The following RSPO2 variants were observed in gnomAD, a reference collection of about 807,000 sequenced individuals.
RSPO2 encodes the protein R-spondin-2.
A neutral mutation model predicts 30.9 loss-of-function variants in RSPO2; 14 were observed. The ratio of observed to expected loss-of-function variants is 0.45; its 90% CI spans 0.30 to 0.71. The LOEUF (loss-of-function observed/expected upper bound fraction) is 0.71. RSPO2 is among the 30% of genes least tolerant of loss of function. RSPO2 has a pLI of 0.08. For missense variants in RSPO2, 264 were observed against 301.9 expected (o/e 0.87, Z 0.93); for synonymous variants, 107 against 96.4 (o/e 1.11, Z -0.64).
At chr8:108,024,984 A>G (rs1368812376) in intron 2 of RSPO2, among the ~76,000 whole-genome samples, 3 of 152,130 alleles carry the variant, frequency 2.0e-5, no homozygotes, top group Admixed American at 6.6e-5. Context: ...ATGCCACTGT[A>G]CTCCAGTCTG....
chr8:108,031,853 G>C (rs1312129600), intron 2 of RSPO2, among the ~76,000 whole-genome samples: 1 of 149,202 alleles, frequency 6.7e-6, no homozygotes, highest in African/African-American at 2.5e-5. Context: ...AAAAGAAGAG[G>C]AAAAAAAAAA....
intron 5 of RSPO2, among the ~76,000 whole-genome samples, chr8:107,955,717 A>G (rs1813409392): frequency 6.6e-6 from 1 of 152,186 alleles, no homozygotes; most frequent in Admixed American, 6.5e-5. Context: ...AGTGATGACT[A>G]TAGCATTACA....
At chr8:107,931,056 G>A (rs1226687531) in intron 5 of RSPO2, among the ~76,000 whole-genome samples, 1 of 152,112 alleles carries the variant, frequency 6.6e-6, no homozygotes, top group Non-Finnish European at 1.5e-5. Context: ...TATTTTGCTA[G>A]TGAAAGAAGT....
chr8:108,081,006 A>G (rs1246728025), intron 2 of RSPO2, among the ~76,000 whole-genome samples: 11 of 152,240 alleles, frequency 7.2e-5, no homozygotes. Flanking sequence ...CAAGACAAGT[A>G]TCAATATCAA....
chr8:107,951,535 A>G (rs1458863635), intron 5 of RSPO2, among the ~76,000 whole-genome samples: 4 of 152,180 alleles, frequency 2.6e-5, no homozygotes, highest in African/African-American at 7.2e-5. Context: ...ATTTTATATT[A>G]CCATAAGAGT....
At chr8:108,047,807 T>A (rs909886961) in intron 2 of RSPO2, among the ~76,000 whole-genome samples, 2 of 149,890 alleles carry the variant, frequency 1.3e-5, no homozygotes, top group Non-Finnish European at 3.0e-5. Flanking sequence ...ACCAAGATCA[T>A]GCCACTGCAC....
intron 5 of RSPO2, among the ~76,000 whole-genome samples, chr8:107,921,904 C>A (rs1040335395): frequency 6.6e-6 from 1 of 151,470 alleles, no homozygotes; most frequent in Non-Finnish European, 1.5e-5. Flanking sequence ...AAAATTCATT[C>A]CTTCACAATA....
intron 5 of RSPO2, among the ~76,000 whole-genome samples, 192 bp from the exon 6 acceptor site, chr8:107,901,382 A>T (rs1421238415): frequency 6.6e-6 from 1 of 152,250 alleles, no homozygotes; most frequent in African/African-American, 2.4e-5. Context: ...TATGCTGTCT[A>T]AAACAGAGAC....
At chr8:107,990,582 A>G (rs1814812002) in intron 2 of RSPO2, among the ~76,000 whole-genome samples, 1 of 152,222 alleles carries the variant, frequency 6.6e-6, no homozygotes. Flanking sequence ...AAAACCTTCC[A>G]TGCTCATGGA....
At chr8:107,938,621 G>C (rs1336068775) in intron 5 of RSPO2, among the ~76,000 whole-genome samples, 2 of 152,158 alleles carry the variant, frequency 1.3e-5, no homozygotes, top group Non-Finnish European at 2.9e-5. Context: ...CACAGATTCA[G>C]TAAAAAGGAG....
chr8:107,901,733 A>G (rs1811475862), intron 5 of RSPO2, among the ~76,000 whole-genome samples: 1 of 152,238 alleles, frequency 6.6e-6, no homozygotes, highest in African/African-American at 2.4e-5. Flanking sequence ...ATAAAAATTC[A>G]TGGAGACATC....
At chr8:107,977,596 G>A (rs777129002) in intron 3 of RSPO2, among the ~76,000 whole-genome samples, 2 of 152,122 alleles carry the variant, frequency 1.3e-5, no homozygotes, top group Non-Finnish European at 2.9e-5. Context: ...CTAAAGTTTG[G>A]GGGAGTGGGT....
intron 3 of RSPO2, chr8:107,983,072 GCAC>G: frequency 7.7e-7 from 1 of 1,292,634 alleles, no homozygotes; most frequent in Non-Finnish European, 1.1e-6. Flanking sequence ...ATGTTCCCTG[GCAC>G]CACTACTCCC....
At chr8:107,985,569 G>T (rs1814595707) in intron 3 of RSPO2, among the ~76,000 whole-genome samples, 1 of 152,102 alleles carries the variant, frequency 6.6e-6, no homozygotes, top group Non-Finnish European at 1.5e-5. Flanking sequence ...AAAATGTCAA[G>T]AACAGAAGAC....
intron 2 of RSPO2, among the ~76,000 whole-genome samples, chr8:108,046,006 A>G (rs898274404): frequency 6.6e-6 from 1 of 152,182 alleles, no homozygotes; most frequent in Admixed American, 6.5e-5. Context: ...TAAATATTCA[A>G]TAAAACATGA....
At chr8:108,051,121 T>C (rs1221372727) in intron 2 of RSPO2, among the ~76,000 whole-genome samples, 1 of 152,174 alleles carries the variant, frequency 6.6e-6, no homozygotes, top group East Asian at 1.9e-4. Flanking sequence ...ACCCTTTAAC[T>C]TCAAAATTAA....
At chr8:108,081,431 G>T (rs1388208064) in intron 2 of RSPO2, among the ~76,000 whole-genome samples, 3 of 152,144 alleles carry the variant, frequency 2.0e-5, no homozygotes, top group Non-Finnish European at 4.4e-5. Flanking sequence ...TCATGAACCC[G>T]GCGACAAATT....
chr8:107,977,226 A>G (rs1814247733), intron 3 of RSPO2, among the ~76,000 whole-genome samples: 1 of 152,250 alleles, frequency 6.6e-6, no homozygotes, highest in South Asian at 2.1e-4. Flanking sequence ...TCCATTAAAT[A>G]TGAAGTCTTC....
chr8:107,999,558 C>A (rs995187819), intron 2 of RSPO2, among the ~76,000 whole-genome samples: 1 of 152,126 alleles, frequency 6.6e-6, no homozygotes, highest in Non-Finnish European at 1.5e-5. Flanking sequence ...CCTCAGCCTC[C>A]CGAGTAGTTG....
Sources: allele counts gnomAD v4.1 joint callset (sites outside exome capture counted in the v4.1 genomes callset), GRCh38; gene constraint gnomAD v4.1.1; transcripts MANE v1.5; gene names NCBI Gene and HGNC (gene_info 2026-07-23, HGNC 2026-07-21).